NTRK3: variants seen among roughly 807,000 people sequenced by gnomAD.
NTRK3 encodes the protein neurotrophic receptor tyrosine kinase 3.
NTRK3 carries 24 observed loss-of-function variants against 91.7 expected under a neutral mutation model. The observed-to-expected ratio is 0.26, with a 90% confidence interval of 0.19 to 0.37. The LOEUF (loss-of-function observed/expected upper bound fraction) is 0.37, where lower values mean the gene tolerates loss of function less well. NTRK3 is among the 10% of genes least tolerant of loss of function. The pLI is 1.00. For missense variants in NTRK3, 880 were observed against 1,068.9 expected (o/e 0.82, Z 2.46); for synonymous variants, 483 against 404.0 (o/e 1.20, Z -2.34).
intron 14 of NTRK3, among the ~76,000 whole-genome samples, chr15:88,002,783 C>T (rs935161402): frequency 6.1e-5 from 9 of 147,688 alleles, no homozygotes; most frequent in Non-Finnish European, 1.0e-4. Context: ...AAAATTAAAA[C>T]AAGCATGACT....
intron 13 of NTRK3, among the ~76,000 whole-genome samples, chr15:88,033,991 T>C (rs1305354277): frequency 6.6e-6 from 1 of 152,088 alleles, no homozygotes; most frequent in African/African-American, 2.4e-5. Context: ...GACATCAGAT[T>C]GTGAGAGCTC....
At position 87,978,028 on chromosome 15, in the gene NTRK3, G is replaced by A. The variant is rs551609205; in HGVS notation, c.1586-37275C>T. On this transcript the variant is annotated intron_variant, in intron 14 of 18. Coordinates refer to ENST00000394480, the Ensembl canonical transcript of NTRK3. ...CCAGTTTCATGCTCTCCACCATTAGGTGGGCAGCCTATGCTGACTTCATAC... is the reference window on the plus strand; with the variant it reads ...CCAGTTTCATGCTCTCCACCATTAGATGGGCAGCCTATGCTGACTTCATAC... 1.8e-4 allele frequency: 42 copies of A among 233,496 alleles called. No individual in the cohort carries two copies. In the South Asian group the frequency reaches 7.2e-3, roughly 40 times the overall value. 14.5% of individuals were successfully genotyped at this position (233,496 alleles called of 1,614,324 possible).
chr15:88,230,123 T>C (rs1050323869), intron 3 of NTRK3, among the ~76,000 whole-genome samples: 15 of 152,196 alleles, frequency 9.9e-5, no homozygotes, highest in African/African-American at 2.9e-4. Context: ...AGTTTCTTCA[T>C]CTAAAAAGTG....
intron 14 of NTRK3, among the ~76,000 whole-genome samples, chr15:87,967,118 A>C (rs1033794592): frequency 6.6e-6 from 1 of 152,134 alleles, no homozygotes; most frequent in Admixed American, 6.5e-5. Context: ...GATGCCCCAA[A>C]TATGTTTGAA....
At chr15:88,068,172 C>A (rs2046816508) in intron 13 of NTRK3, among the ~76,000 whole-genome samples, 1 of 152,158 alleles carries the variant, frequency 6.6e-6, no homozygotes, top group Admixed American at 6.5e-5. Context: ...TGGCTCACGT[C>A]TGTTACCCCA....
chr15:87,948,734 G>C (rs1429331382), intron 14 of NTRK3, among the ~76,000 whole-genome samples: 6 of 152,064 alleles, frequency 3.9e-5, no homozygotes, highest in African/African-American at 1.4e-4. Context: ...AGTCAAATGG[G>C]GTAACAATGA....
At chr15:88,042,370 A>G (rs1331956078) in intron 13 of NTRK3, among the ~76,000 whole-genome samples, 2 of 152,158 alleles carry the variant, frequency 1.3e-5, no homozygotes, top group African/African-American at 4.8e-5. Flanking sequence ...AGACCTGGGG[A>G]CTAGTCATGG....
chr15:88,132,104 G>A (rs1163008229), intron 10 of NTRK3: 1 of 183,690 alleles, frequency 5.4e-6, no homozygotes, highest in East Asian at 8.7e-5. Flanking sequence ...ACGTCACAGA[G>A]CTGACAAGTG....
At chr15:87,867,051 T>C (rs1241876797) in exon 19 of NTRK3, 3 of 222,864 alleles carry the variant, frequency 1.3e-5, no homozygotes, top group Non-Finnish European at 2.7e-5. Context: ...AAGGCTCCCC[T>C]TTCCTAACCA....
At chr15:87,916,519 C>T in intron 17 of NTRK3, 1 of 702,228 alleles carries the variant, frequency 1.4e-6, no homozygotes, top group Non-Finnish European at 2.6e-6. Flanking sequence ...GGGCATCTTC[C>T]CCGTCTTTTT....
intron 17 of NTRK3, among the ~76,000 whole-genome samples, chr15:87,901,766 G>C (rs371540559): frequency 2.6e-5 from 4 of 151,382 alleles, no homozygotes; most frequent in Admixed American, 1.3e-4. Context: ...AGTTGGGGAG[G>C]GGGGGAGAGG....
Position 87,937,581 on chromosome 15 carries a change from C to T in NTRK3, c.1716+3042G>A, listed in dbSNP as rs540422829. 2.6e-5 allele frequency among the ~76,000 whole-genome samples: 4 copies of T among 152,054 alleles called. No individual in the cohort carries two copies. In the South Asian group the frequency reaches 8.3e-4, roughly 32 times the overall value. The stretch of plus-strand genomic sequence containing the variant: ...AAGCCAAAAGGAACCCAAAAGCTGC[C>T]CAGGGGTGCTGGGCAGGAAGAAATA... On this transcript the variant is annotated intron_variant, in intron 15 of 18. Coordinates refer to ENST00000394480, the Ensembl canonical transcript of NTRK3.
At chr15:87,930,610 G>A (rs2068711729) in intron 16 of NTRK3, among the ~76,000 whole-genome samples, 1 of 152,152 alleles carries the variant, frequency 6.6e-6, no homozygotes, top group Non-Finnish European at 1.5e-5. Flanking sequence ...CCAATATGGA[G>A]ATGTGAGAGC....
chr15:87,913,866 C>T (rs1272854642), intron 17 of NTRK3, among the ~76,000 whole-genome samples: 1 of 152,080 alleles, frequency 6.6e-6, no homozygotes, highest in African/African-American at 2.4e-5. Context: ...TGCATTGTGC[C>T]CTGATTGATA....
chr15:88,027,164 G>A (rs2078108071), intron 14 of NTRK3, among the ~76,000 whole-genome samples: 1 of 152,052 alleles, frequency 6.6e-6, no homozygotes, highest in Non-Finnish European at 1.5e-5. Flanking sequence ...TAGCGGGTCT[G>A]AGTTTAAATC....
chr15:88,246,460 G>C (rs765844832), intron 3 of NTRK3, among the ~76,000 whole-genome samples: 16 of 152,186 alleles, frequency 1.1e-4, no homozygotes, highest in Non-Finnish European at 1.6e-4. Flanking sequence ...AGGGAGAGGG[G>C]AGAGATTCCC....
At position 88,256,018 on chromosome 15, in the gene NTRK3, G is replaced by C. The variant is rs774269690; in HGVS notation, c.136C>G (p.Arg46Gly). Reference sequence around the variant, plus strand: ...AAGAGGTTCCCATCGTCCGGCCGCCGGCAATTGATCTCAGTCTTGCTGCAG... The same window carrying C: ...AAGAGGTTCCCATCGTCCGGCCGCCCGCAATTGATCTCAGTCTTGCTGCAG... The change falls in exon 3 of 19, where the codon CGG (arginine) becomes GGG (glycine). Residue 46 changes from arginine to glycine, a missense_variant. Arg to Gly is a moderately radical substitution (Grantham distance 125, BLOSUM62 -2). This residue lies in a region of NTRK3 where 743 missense variants were observed against 868.6 expected (regional missense o/e 0.86). Coordinates refer to ENST00000394480, the Ensembl canonical transcript of NTRK3. 1.9e-6 allele frequency: 3 copies of C among 1,613,544 alleles called. No individual in the cohort carries two copies. In the African/African-American group the frequency reaches 4.0e-5, roughly 22 times the overall value.
chr15:88,098,410 C>T (rs542961581), intron 13 of NTRK3: 74 of 184,608 alleles, frequency 4.0e-4, no homozygotes, highest in African/African-American at 1.2e-3. Context: ...GGATCATAAG[C>T]TTTATTTACA....
chr15:87,867,675 AT>A (rs1187522109), exon 19 of NTRK3: 1 of 228,944 alleles, frequency 4.4e-6, no homozygotes, highest in Non-Finnish European at 8.7e-6. Context: ...CTCCTGCCCC[AT>A]GCTAACCGTT....
Sources: gnomAD v4.1 joint callset for allele counts (sites outside exome capture counted in the v4.1 genomes callset) on GRCh38, gnomAD v4.1.1 for gene constraint, gnomAD v4.1.1 regional missense constraint, MANE v1.5 for transcripts, NCBI Gene and HGNC (gene_info 2026-07-23, HGNC 2026-07-21) for gene names.